The following BICDL1 variants were observed in gnomAD, a reference collection of about 807,000 sequenced individuals.
BICDL1 encodes BICD family like cargo adaptor 1.
BICDL1 carries 20 observed loss-of-function variants against 76.8 expected under a neutral mutation model. The observed-to-expected ratio is 0.26, with a 90% CI of 0.18 to 0.38. The LOEUF (loss-of-function observed/expected upper bound fraction) is 0.38, where lower values mean the gene tolerates loss of function less well. Among genes scored for constraint, BICDL1 ranks in the 10% least tolerant of loss-of-function variants. The pLI is 1.00. For synonymous variants in BICDL1, 383 were observed against 337.1 expected, an observed-to-expected ratio of 1.14 and a Z score of -1.49; for missense variants, 700 against 798.6, an observed-to-expected ratio of 0.88 and a Z score of 1.49.
rs1348441024 is a variant in BICDL1, at chr12:120,094,214, G to T, written c.*1053G>T. On this transcript the variant is annotated 3_prime_UTR_variant, in exon 10 of 10. Transcript: ENST00000548673. ...CCTCCTCCACCCAGGCCCCAACTCA[G>T]AGGCTCCGCGGCCCGGCCAGCCCTC... 1 of 456,314 alleles carries T rather than the reference G, an allele frequency of 2.2e-6. No individual in the cohort carries two copies. Among genetic ancestry groups the T allele is most frequent in the Non-Finnish European group, 4.4e-6 (1 of 226,772 alleles). 28.3% of individuals were successfully genotyped at this position (456,314 alleles called of 1,614,324 possible).
chr12:120,031,440 G>A (rs1339694296), intron 2 of BICDL1, among the ~76,000 whole-genome samples: 3 of 151,960 alleles, frequency 2.0e-5, no homozygotes, highest in Non-Finnish European at 2.9e-5. Flanking sequence ...TCCTGACCTC[G>A]TGATCTGCCC....
chr12:120,006,560 A>G (rs1239878846), intron 2 of BICDL1, among the ~76,000 whole-genome samples: 3 of 152,242 alleles, frequency 2.0e-5, no homozygotes, highest in Admixed American at 2.0e-4. Context: ...AGAAAGTGGT[A>G]GCTGTAGAGA....
Position 120,093,961 on chromosome 12 carries a change from A to C in BICDL1, c.*800A>C. On this transcript the variant is annotated 3_prime_UTR_variant, in exon 10 of 10. Coordinates refer to ENST00000548673, the MANE Select transcript of BICDL1 (RefSeq NM_001367886.1). ...GTTGGACGGGGTCTCCTCCTCCCACAGCTCCCTCCTCCACCCCTCACATAC... is the reference window on the plus strand; with the variant it reads ...GTTGGACGGGGTCTCCTCCTCCCACCGCTCCCTCCTCCACCCCTCACATAC... The C allele has an allele frequency of 3.1e-6, 1 of 326,734 alleles. No homozygotes were observed. Among genetic ancestry groups the C allele is most frequent in the Non-Finnish European group, 6.1e-6 (1 of 163,434 alleles). The allele number at this position is 326,734 out of a possible 1,614,324, so 20.2% of individuals were successfully genotyped here.
At chr12:120,008,150 CTTTTTTT>C (rs71072590) in intron 2 of BICDL1, among the ~76,000 whole-genome samples, 15 of 61,720 alleles carry the variant, frequency 2.4e-4, no homozygotes, top group African/African-American at 2.8e-4. Flanking sequence ...ATTACTCTTT[CTTTTTTT>C]TTTTTTTTTT....
rs1301744833 is a variant in BICDL1 at position 119,990,237 on chromosome 12, G to C, written c.369G>C (p.Arg123Ser). The C allele has an allele frequency of 6.3e-7, 1 of 1,577,394 alleles. No individual in the cohort carries two copies. Among genetic ancestry groups the C allele is most frequent in the African/African-American group, 1.3e-5 (1 of 74,096 alleles). Residue 123 changes from arginine (R) to serine (S), a missense_variant, in exon 1 of 10, where the codon AGG becomes AGC. Arg to Ser is a moderately radical substitution (Grantham distance 110). This residue lies in a region of BICDL1 where 225 missense variants were observed against 199.6 expected (regional missense o/e 1.13). Coordinates refer to ENST00000548673, the MANE Select transcript of BICDL1 (RefSeq NM_001367886.1). ...GGCTGGGTAAGGCGCTGCTCGAGAG[G>C]AACCAGGACATGAGCCGGCAGTACG... is the stretch of plus-strand genomic sequence containing the variant. ...AARLGKALLERNQDMSRQYEQ... is the reference protein window; with the variant it reads ...AARLGKALLESNQDMSRQYEQ...
chr12:119,993,262 C>T (rs545906861), intron 1 of BICDL1: 2 of 152,248 alleles, frequency 1.3e-5, no homozygotes, highest in East Asian at 1.9e-4. Context: ...TGCGCCGGGC[C>T]GGCACCTTTC....
At position 120,025,119 on chromosome 12, in the gene BICDL1, A is replaced by G. The variant is rs76405759; in HGVS notation, c.645+26383A>G. Among the ~76,000 whole-genome samples the G allele has an allele frequency of 1.1e-4, 16 of 145,622 alleles. No homozygotes were observed. The East Asian group carries it at 1.2e-3, about 11-fold the overall frequency. On this transcript the variant is annotated intron_variant, in intron 2 of 9. Transcript: ENST00000548673. ...GGCTGGAGTGCAGTGGCGCGATCTC[A>G]GCTCACTGCAGGCTCCGCCCCCTGG...
At chr12:119,992,842 A>G (rs778252544) in intron 1 of BICDL1, 4 of 152,226 alleles carry the variant, frequency 2.6e-5, no homozygotes, top group Non-Finnish European at 5.9e-5. Flanking sequence ...GTGGTTTGAA[A>G]GAGAAACATG....
chr12:120,063,261 A>G (rs1953146485), intron 3 of BICDL1, among the ~76,000 whole-genome samples: 1 of 152,198 alleles, frequency 6.6e-6, no homozygotes, highest in South Asian at 2.1e-4. Context: ...CACATGGGTA[A>G]CTTTGCTTCA....
intron 2 of BICDL1, among the ~76,000 whole-genome samples, chr12:120,039,066 G>A (rs1203266664): frequency 2.0e-5 from 3 of 152,196 alleles, no homozygotes; most frequent in Non-Finnish European, 4.4e-5. Flanking sequence ...GGAGGCAGAG[G>A]CGAGCGGATC....
rs1291600980 is a variant in BICDL1 at position 120,082,948 on chromosome 12, C to T, written c.1583+1931C>T. On this transcript the variant is annotated intron_variant, in intron 8 of 9. Coordinates refer to ENST00000548673, the MANE Select transcript of BICDL1 (RefSeq NM_001367886.1). ...CATGCTCACAGCTCACTGCAACCTC[C>T]GCCTCTTGGGTTCAAGCTATTCTCG... Among the ~76,000 whole-genome samples, 11 of 152,220 alleles carry T rather than the reference C, an allele frequency of 7.2e-5. No homozygotes were observed. In the East Asian group the frequency reaches 1.2e-3, roughly 16 times the overall value.
intron 2 of BICDL1, among the ~76,000 whole-genome samples, chr12:120,017,834 G>A (rs1359617988): frequency 6.6e-6 from 1 of 152,216 alleles, no homozygotes; most frequent in Non-Finnish European, 1.5e-5. Flanking sequence ...AGTATAGGCT[G>A]TGGAGCCAAC....
chr12:120,049,150 G>A (rs146827428), intron 2 of BICDL1, among the ~76,000 whole-genome samples: 49 of 152,344 alleles, frequency 3.2e-4, no homozygotes, highest in African/African-American at 1.1e-3. Context: ...GAACGCAAAG[G>A]AGGGTCCCTC....
chr12:120,039,982 A>C (rs1346175867), intron 2 of BICDL1, among the ~76,000 whole-genome samples: 1 of 152,204 alleles, frequency 6.6e-6, no homozygotes, highest in Non-Finnish European at 1.5e-5. Context: ...TGTAAGAAGC[A>C]CTTTCATCAA....
chr12:120,070,944 G>T (rs1038620939), intron 4 of BICDL1, among the ~76,000 whole-genome samples: 2 of 151,898 alleles, frequency 1.3e-5, no homozygotes, highest in Non-Finnish European at 2.9e-5. Context: ...TGGCCAGGCT[G>T]GTCTCGAACT....
intron 2 of BICDL1, chr12:120,056,929 G>T: frequency 2.7e-6 from 1 of 363,952 alleles, no homozygotes; most frequent in East Asian, 8.1e-5. Flanking sequence ...CTTGATGCAG[G>T]TTAGGGCTCT....
At chr12:120,081,642 C>CCCGG (rs1873999504) in intron 8 of BICDL1, among the ~76,000 whole-genome samples, 1 of 151,962 alleles carries the variant, frequency 6.6e-6, no homozygotes, top group Non-Finnish European at 1.5e-5. Context: ...AGCCACCACA[C>CCCGG]CCGGCCTCCA....
rs574768591 is a variant in BICDL1 at position 119,998,795 on chromosome 12, A to G, written c.645+59A>G. On this transcript the variant is annotated intron_variant, in intron 2 of 9. Coordinates refer to ENST00000548673, the MANE Select transcript of BICDL1 (RefSeq NM_001367886.1). ...TACTAAAAGTTGAAATAGGCTGGGC[A>G]TGGAGGCTTATGCCTGTGACGCCAG... 92 of 1,485,994 alleles carry G rather than the reference A, an allele frequency of 6.2e-5. 1 individual carries two copies. In the South Asian group the frequency reaches 9.9e-4, roughly 16 times the overall value. The allele number at this position is 1,485,994 out of a possible 1,614,324, so 92.1% of individuals were successfully genotyped here. A position where few individuals can be genotyped will look rare whatever the true frequency, so the allele number is the denominator to read the frequency against.
At chr12:120,001,301 C>G (rs1256292627) in intron 2 of BICDL1, among the ~76,000 whole-genome samples, 1 of 152,030 alleles carries the variant, frequency 6.6e-6, no homozygotes, top group Non-Finnish European at 1.5e-5. Context: ...GGCTGGAGTA[C>G]AGTGGCACAA....
Sources: allele counts gnomAD v4.1 joint callset (sites outside exome capture counted in the v4.1 genomes callset), GRCh38; gene constraint gnomAD v4.1.1; regional missense constraint gnomAD v4.1.1; transcripts MANE v1.5; gene names NCBI Gene and HGNC (gene_info 2026-07-23, HGNC 2026-07-21).